CFAP36: variants seen among roughly 807,000 people sequenced by gnomAD.
The protein encoded by CFAP36 is cilia and flagella associated protein 36.
A neutral mutation model predicts 50.5 loss-of-function variants in CFAP36; 37 were observed. The observed-to-expected ratio is 0.73, with a 90% CI of 0.56 to 0.96. The LOEUF (loss-of-function observed/expected upper bound fraction) is 0.96, where lower values mean the gene tolerates loss of function less well. CFAP36 is among the 50% of genes least tolerant of loss of function. CFAP36 has a pLI of 0.00. For missense variants in CFAP36, 407 were observed against 396.2 expected (o/e 1.03, Z -0.23); for synonymous variants, 138 against 128.2 (o/e 1.08, Z -0.52).
chr2:55,541,437 T>C (rs1414039474), intron 7 of CFAP36, among the ~76,000 whole-genome samples: 1 of 152,266 alleles, frequency 6.6e-6, no homozygotes, highest in South Asian at 2.1e-4. Flanking sequence ...TATTTTGTTA[T>C]ATTTTATATC....
intron 4 of CFAP36, among the ~76,000 whole-genome samples, chr2:55,530,799 C>A (rs1202541640): frequency 1.3e-5 from 2 of 152,162 alleles, no homozygotes; most frequent in Non-Finnish European, 2.9e-5. Context: ...TATTTTTTTA[C>A]CACGGCCCAT....
chr2:55,536,133 C>A (rs1684479869), intron 6 of CFAP36, among the ~76,000 whole-genome samples: 1 of 150,586 alleles, frequency 6.6e-6, no homozygotes, highest in South Asian at 2.1e-4. Flanking sequence ...CACAGAACAA[C>A]ATTTTTTTTT....
intron 2 of CFAP36, 35 bp downstream of exon 2, chr2:55,522,201 T>C: frequency 9.2e-7 from 1 of 1,082,288 alleles, no homozygotes; most frequent in Non-Finnish European, 1.4e-6. Context: ...TTAAAAGTAA[T>C]TAGGCTAATA....
At chr2:55,520,614 C>T (rs958872638) in intron 1 of CFAP36, 4 of 626,546 alleles carry the variant, frequency 6.4e-6, no homozygotes, top group Non-Finnish European at 7.6e-6. Flanking sequence ...AGCAGTTCTT[C>T]AGGCTTGGAG....
Position 55,544,083 on chromosome 2 carries a change from A to T in CFAP36, c.777+9A>T, listed in dbSNP as rs769096648. 3 of 1,613,348 alleles carry T rather than the reference A, an allele frequency of 1.9e-6. No individual in the cohort carries two copies. Among genetic ancestry groups the T allele is most frequent in the Non-Finnish European group, 2.5e-6 (3 of 1,179,828 alleles). Reference sequence around the variant, plus strand: ...TTGAAGGACCAATAGCAGTAAGTAAACGACATCACTTAAGAACTATAAGCA... The same window carrying T: ...TTGAAGGACCAATAGCAGTAAGTAATCGACATCACTTAAGAACTATAAGCA... On this transcript the variant is annotated intron_variant, in intron 8 of 9. Coordinates refer to ENST00000349456, the MANE Select transcript of CFAP36 (RefSeq NM_080667.7).
chr2:55,544,897 T>C lies in CFAP36; in HGVS notation c.928-10T>C. 1 of 1,573,214 alleles carries C rather than the reference T, an allele frequency of 6.4e-7. No individual in the cohort carries two copies. The highest frequency in any genetic ancestry group is 8.6e-7 in the Non-Finnish European group (1 of 1,160,880). ...TTCATACTGTAGCCAATTTTTTCTT[T>C]TTTTTTCAGGAAATGACAGAGAAAC... is the stretch of plus-strand genomic sequence containing the variant. On this transcript the variant is annotated splice_polypyrimidine_tract_variant and intron_variant, in intron 9 of 9. Coordinates refer to ENST00000349456, the MANE Select transcript of CFAP36 (RefSeq NM_080667.7).
At chr2:55,537,775 G>C (rs1328104366) in intron 7 of CFAP36, among the ~76,000 whole-genome samples, 190 bp downstream of exon 7, 3 of 152,174 alleles carry the variant, frequency 2.0e-5, no homozygotes, top group Admixed American at 2.0e-4. Context: ...GAAAGAGAGC[G>C]TATAGTCCTC....
intron 3 of CFAP36, among the ~76,000 whole-genome samples, chr2:55,525,928 C>T (rs569199856): frequency 2.0e-5 from 3 of 152,214 alleles, no homozygotes; most frequent in African/African-American, 7.2e-5. Context: ...CGCCCTGCTG[C>T]CCCTTGCTCT....
Position 55,523,008 on chromosome 2 carries a change from T to G in CFAP36, c.181-713T>G, listed in dbSNP as rs548879308. Among the ~76,000 whole-genome samples, 9 of 150,958 alleles carry G rather than the reference T, an allele frequency of 6.0e-5. 1 individual carries two copies. The highest frequency in any genetic ancestry group is 2.2e-4 in the African/African-American group (9 of 41,118). On this transcript the variant is annotated intron_variant, in intron 2 of 9. Coordinates refer to ENST00000349456, the MANE Select transcript of CFAP36 (RefSeq NM_080667.7). The stretch of plus-strand genomic sequence containing the variant: ...TGCTTGGGAGGCTGAAGTGGGAGGA[T>G]GATCTCTTGAGCCCAGAAGGTCAAG...
chr2:55,520,121 C>T (rs1485160220), intron 1 of CFAP36, among the ~76,000 whole-genome samples: 2 of 152,182 alleles, frequency 1.3e-5, no homozygotes, highest in Non-Finnish European at 2.9e-5. Flanking sequence ...TTCACCCTGC[C>T]AATGTGTTCC....
chr2:55,535,904 A>G, intron 6 of CFAP36, 141 bp downstream of exon 6: 1 of 1,381,538 alleles, frequency 7.2e-7, no homozygotes, highest in Non-Finnish European at 9.5e-7. Flanking sequence ...AATAATATTA[A>G]TATATCAATA....
chr2:55,525,845 TG>T (rs1553454110), intron 3 of CFAP36, among the ~76,000 whole-genome samples: 2 of 152,222 alleles, frequency 1.3e-5, no homozygotes, highest in African/African-American at 2.4e-5. Flanking sequence ...TTGGCCAAGC[TG>T]GAACACCTGA....
chr2:55,523,523 T>C (rs1684126575), intron 2 of CFAP36, among the ~76,000 whole-genome samples, 198 bp from the exon 3 acceptor site: 1 of 152,190 alleles, frequency 6.6e-6, no homozygotes, highest in Non-Finnish European at 1.5e-5. Flanking sequence ...TTAGAAGAAA[T>C]ACAATTTCAT....
chr2:55,521,593 A>ATGTGTGTGTGTG (rs72277001), intron 1 of CFAP36, among the ~76,000 whole-genome samples: 6 of 147,394 alleles, frequency 4.1e-5, no homozygotes, highest in African/African-American at 2.5e-5. Context: ...TTAATAGTAT[A>ATGTGTGTGTGTG]TATGTGTGTG....
intron 6 of CFAP36, 83 bp downstream of exon 6, chr2:55,535,846 A>C (rs1476183231): frequency 4.1e-6 from 6 of 1,468,470 alleles, no homozygotes; most frequent in Non-Finnish European, 4.5e-6. Flanking sequence ...ATTAAAATTT[A>C]TACTTATGTG....
At chr2:55,524,935 C>T (rs542323197) in intron 3 of CFAP36, among the ~76,000 whole-genome samples, 3 of 151,442 alleles carry the variant, frequency 2.0e-5, no homozygotes, top group Non-Finnish European at 4.4e-5. Flanking sequence ...GAGCCAAGAT[C>T]GCGCCATTGC....
In CFAP36 at chr2:55,544,265, T is replaced by C. The variant is rs1684716052; in HGVS notation, c.823T>C (p.Tyr275His). Residue 275 changes from tyrosine (Y) to histidine (H), a missense_variant, in exon 9 of 10, where the codon TAT becomes CAT. Transcript: ENST00000349456. The stretch of plus-strand genomic sequence containing the variant: ...AGAAGAACTTCGGCAACGAGAACAC[T>C]ATCTCAAGCAGAAGAGAGATAAGTT... ...GTEELRQREH[Y>H]LKQKRDKLMS... is the part of the protein sequence containing the mutation. The C allele has an allele frequency of 1.9e-6, 3 of 1,613,860 alleles. No homozygotes were observed. The highest frequency in any genetic ancestry group is 1.7e-5 in the Admixed American group (1 of 59,964).
At chr2:55,538,616 T>C (rs749347751) in intron 7 of CFAP36, 210 of 577,836 alleles carry the variant, frequency 3.6e-4, no homozygotes, top group South Asian at 8.6e-4. Flanking sequence ...TTTAAAAAAA[T>C]TATTTTTGTT....
chr2:55,539,044 C>A, intron 7 of CFAP36: 1 of 660,090 alleles, frequency 1.5e-6, no homozygotes, highest in Non-Finnish European at 2.1e-6. Context: ...CTAGTACATG[C>A]CTAGCCTCTC....
Sources: allele counts gnomAD v4.1 joint callset (sites outside exome capture counted in the v4.1 genomes callset), GRCh38; gene constraint gnomAD v4.1.1; transcripts MANE v1.5; gene names NCBI Gene and HGNC (gene_info 2026-07-23, HGNC 2026-07-21).